The following PTPRZ1 variants were observed in gnomAD, a reference collection of about 807,000 sequenced individuals.
PTPRZ1 encodes the protein protein tyrosine phosphatase receptor type Z1, also known as receptor-type tyrosine-protein phosphatase zeta.
A neutral mutation model predicts 214.1 loss-of-function variants in PTPRZ1; 82 were observed. That is an observed-to-expected ratio of 0.38 (90% CI 0.32 to 0.46). The LOEUF (loss-of-function observed/expected upper bound fraction) is 0.46, where lower values mean the gene tolerates loss of function less well. Ranked by LOEUF, PTPRZ1 falls within the 20% of genes least tolerant of loss-of-function variation. PTPRZ1 has a pLI of 1.00. For missense variants in PTPRZ1, 2,603 were observed against 2,748.7 expected (o/e 0.95, Z 1.19); for synonymous variants, 945 against 987.9 (o/e 0.96, Z 0.81).
intron 2 of PTPRZ1, among the ~76,000 whole-genome samples, chr7:121,939,748 G>C (rs1460111895): frequency 6.6e-6 from 1 of 152,126 alleles, no homozygotes; most frequent in African/African-American, 2.4e-5. Context: ...ACTGTACTAG[G>C]CATCAGAGAT....
chr7:121,955,650 C>A (rs1272209266), intron 2 of PTPRZ1, among the ~76,000 whole-genome samples: 3 of 152,188 alleles, frequency 2.0e-5, no homozygotes, highest in Non-Finnish European at 4.4e-5. Context: ...AATCAACCTG[C>A]ATTGCCTTCA....
chr7:121,985,015 T>G lies in PTPRZ1; in HGVS notation c.928+898T>G, dbSNP rs563624655. 2.0e-5 allele frequency among the ~76,000 whole-genome samples: 3 copies of G among 152,314 alleles called. No individual in the cohort carries two copies. In the East Asian group the frequency reaches 5.8e-4, roughly 29 times the overall value. ...TTCAATGATTTTTTTTTGCCATGTATAATATTAATTTAATAATCATCTGCT... is the reference window on the plus strand; with the variant it reads ...TTCAATGATTTTTTTTTGCCATGTAGAATATTAATTTAATAATCATCTGCT... On this transcript the variant is annotated intron_variant, in intron 8 of 29. Coordinates refer to ENST00000393386, the MANE Select transcript of PTPRZ1 (RefSeq NM_002851.3).
chr7:121,926,433 C>G (rs565072912), intron 1 of PTPRZ1, among the ~76,000 whole-genome samples: 5 of 152,214 alleles, frequency 3.3e-5, no homozygotes, highest in African/African-American at 1.2e-4. Context: ...TTCAGGCTGT[C>G]CTGGTCACCA....
intron 1 of PTPRZ1, among the ~76,000 whole-genome samples, chr7:121,926,035 T>C (rs567253724): frequency 6.6e-6 from 1 of 152,310 alleles, no homozygotes; most frequent in South Asian, 2.1e-4. Context: ...CCGGGCACAG[T>C]GGCTCACGCC....
In PTPRZ1 at chr7:122,012,785, T is replaced by C. The variant is rs756554323; in HGVS notation, c.3739T>C (p.Ser1247Pro). Residue 1247 changes from serine to proline, a missense_variant, in exon 12 of 30, where the codon TCG (serine) becomes CCG (proline). Transcript: ENST00000393386. ...HSTSVPVFDV[S>P]PTSHMHSASL... ...TACATCTGTACCAGTTTTTGATGTG[T>C]CGCCTACTTCTCATATGCACTCTGC... 6.2e-7 allele frequency: 1 copy of C among 1,611,616 alleles called. No individual in the cohort carries two copies. Among genetic ancestry groups the C allele is most frequent in the Non-Finnish European group, 8.5e-7 (1 of 1,177,848 alleles).
chr7:121,900,120 G>A (rs1034487170), intron 1 of PTPRZ1, among the ~76,000 whole-genome samples: 1 of 152,130 alleles, frequency 6.6e-6, no homozygotes, highest in East Asian at 1.9e-4. Flanking sequence ...CCTGTATTTG[G>A]ATTTCAGAGT....
chr7:121,999,714 T>C (rs1798263781), intron 10 of PTPRZ1, among the ~76,000 whole-genome samples: 1 of 152,148 alleles, frequency 6.6e-6, no homozygotes, highest in Non-Finnish European at 1.5e-5. Context: ...ACTTTCTGAA[T>C]TTTTTTGTTC....
chr7:122,004,565 C>A (rs1584732615), intron 10 of PTPRZ1, 49 bp from the exon 11 acceptor site: 2 of 1,038,248 alleles, frequency 1.9e-6, no homozygotes, highest in Non-Finnish European at 2.8e-6. Context: ...TCCACAAAGG[C>A]CGAAATAGTT....
chr7:121,906,057 C>T lies in PTPRZ1; in HGVS notation c.59-22099C>T, dbSNP rs185233572. 1.5e-3 allele frequency among the ~76,000 whole-genome samples: 235 copies of T among 152,278 alleles called. 1 individual carries two copies. Among genetic ancestry groups the T allele is most frequent in the Non-Finnish European group, 2.5e-3 (171 of 68,026 alleles). ...TTCTGTGTATATGGTAATACTCTTA[C>T]CTTCCCTGTAATGTTTCAGTGGTAC... On this transcript the variant is annotated intron_variant, in intron 1 of 29. Coordinates refer to ENST00000393386, the MANE Select transcript of PTPRZ1 (RefSeq NM_002851.3).
In PTPRZ1 at chr7:121,976,858, T is replaced by C. The variant is rs1797453874; in HGVS notation, c.619+7T>C. The stretch of plus-strand genomic sequence containing the variant: ...GAAAGTGTTAGTCGTTTTGGTAAGC[T>C]ACTTGGGGAACTATCTTTCTTCAGG... On this transcript the variant is annotated splice_region_variant and intron_variant, in intron 6 of 29. Coordinates refer to ENST00000393386, the MANE Select transcript of PTPRZ1 (RefSeq NM_002851.3). The C allele has an allele frequency of 6.2e-7, 1 of 1,607,646 alleles. No homozygotes were observed. The highest frequency in any genetic ancestry group is 1.3e-5 in the African/African-American group (1 of 74,760).
intron 1 of PTPRZ1, chr7:121,908,981 A>G: frequency 1.9e-6 from 1 of 515,806 alleles, no homozygotes; most frequent in Non-Finnish European, 3.9e-6. Flanking sequence ...TAGTATTGTC[A>G]CATTTTGGAT....
chr7:122,027,200 G>A (rs1169163561), intron 13 of PTPRZ1, among the ~76,000 whole-genome samples: 1 of 152,120 alleles, frequency 6.6e-6, no homozygotes, highest in Non-Finnish European at 1.5e-5. Flanking sequence ...AGGAAGCCAG[G>A]GGGAATGGCA....
At chr7:121,895,168 T>A (rs1224121717) in intron 1 of PTPRZ1, among the ~76,000 whole-genome samples, 1 of 152,162 alleles carries the variant, frequency 6.6e-6, no homozygotes, top group Non-Finnish European at 1.5e-5. Flanking sequence ...GTGCCCCTGG[T>A]TTTTGGAGCC....
At chr7:122,009,782 T>C (rs1798593444) in intron 11 of PTPRZ1, among the ~76,000 whole-genome samples, 3 of 151,974 alleles carry the variant, frequency 2.0e-5, no homozygotes, top group South Asian at 2.1e-4. Flanking sequence ...AAGTGGAAAA[T>C]ATTAAAAAAC....
rs1353288741 is a variant in PTPRZ1 at position 122,003,032 on chromosome 7, TTTAG to T, written c.1241-1579_1241-1576del. On this transcript the variant is annotated intron_variant, in intron 10 of 29. Coordinates refer to ENST00000393386, the MANE Select transcript of PTPRZ1 (RefSeq NM_002851.3). ...AAGGAAGGTCATTTGTCTGTCACAG[TTTAG>T]TTGCATCTCATTTTTAAATTCAAAT... Among the ~76,000 whole-genome samples, 4 of 152,298 alleles carry T rather than the reference TTTAG, an allele frequency of 2.6e-5. No individual in the cohort carries two copies. In the East Asian group the frequency reaches 7.7e-4, roughly 29 times the overall value.
At chr7:121,997,843 A>G (rs1584726032) in intron 9 of PTPRZ1, 37 bp from the exon 10 acceptor site, 2 of 1,573,852 alleles carry the variant, frequency 1.3e-6, no homozygotes, top group East Asian at 4.5e-5. Context: ...GTCCTATGAG[A>G]ATAACATTTG....
At chr7:121,939,440 G>T (rs1584661828) in intron 2 of PTPRZ1, among the ~76,000 whole-genome samples, 1 of 152,120 alleles carries the variant, frequency 6.6e-6, no homozygotes, top group African/African-American at 2.4e-5. Flanking sequence ...TAGGAAGTAA[G>T]ATCTATTTGC....
chr7:122,036,835 G>C (rs1300358717), intron 18 of PTPRZ1, among the ~76,000 whole-genome samples, 153 bp downstream of exon 18: 2 of 152,160 alleles, frequency 1.3e-5, no homozygotes, highest in Non-Finnish European at 2.9e-5. Flanking sequence ...ATTTTTAAGA[G>C]AGCCTATGAC....
At chr7:121,896,756 G>A (rs1794796019) in intron 1 of PTPRZ1, among the ~76,000 whole-genome samples, 1 of 151,298 alleles carries the variant, frequency 6.6e-6, no homozygotes, top group Admixed American at 6.6e-5. Flanking sequence ...CTGGGTGACA[G>A]GGTGAGACTC....
Sources: gnomAD v4.1 joint callset for allele counts (sites outside exome capture counted in the v4.1 genomes callset) on GRCh38, gnomAD v4.1.1 for gene constraint, MANE v1.5 for transcripts, NCBI Gene and HGNC (gene_info 2026-07-23, HGNC 2026-07-21) for gene names.